SLC16A10: variants seen among roughly 807,000 people sequenced by gnomAD.
The protein encoded by SLC16A10 is solute carrier family 16 member 10.
Under a neutral mutation model 40.0 loss-of-function variants are expected in SLC16A10, and 27 were observed. The observed-to-expected ratio is 0.67, with a 90% CI of 0.50 to 0.93. The LOEUF is 0.93. SLC16A10 is among the 40% of genes least tolerant of loss of function. The pLI, the probability that SLC16A10 is intolerant of heterozygous loss-of-function variation, is 0.00. For missense variants in SLC16A10, 529 were observed against 658.2 expected (o/e 0.80, Z 2.15); for synonymous variants, 213 against 249.8 (o/e 0.85, Z 1.39).
rs1433132545 is a variant in SLC16A10 at position 111,223,648 on chromosome 6, T to C, written c.*1413T>C. On this transcript the variant is annotated 3_prime_UTR_variant, in exon 6 of 6. Coordinates refer to ENST00000368851, the MANE Select transcript of SLC16A10 (RefSeq NM_018593.5). The stretch of plus-strand genomic sequence containing the variant: ...GATGGTTCTTTTGCAGGAAAAAAAA[T>C]CTACATTTTGACCATACTACCCTTT... 1 of 152,170 alleles carries C rather than the reference T, an allele frequency of 6.6e-6. No individual in the cohort carries two copies. The highest frequency in any genetic ancestry group is 1.5e-5 in the Non-Finnish European group (1 of 68,034). The allele number at this position is 152,170 out of a possible 1,614,324, so 9.4% of individuals were successfully genotyped here. A position where few individuals can be genotyped will look rare whatever the true frequency, so the allele number is the denominator to read the frequency against.
At chr6:111,092,408 C>T (rs1043327471) in intron 1 of SLC16A10, among the ~76,000 whole-genome samples, 26 of 150,524 alleles carry the variant, frequency 1.7e-4, no homozygotes, top group African/African-American at 6.1e-4. Context: ...CAACCACTGC[C>T]TCCCGGATGC....
chr6:111,219,184 C>T (rs1436642458), intron 5 of SLC16A10, 142 bp downstream of exon 5: 3 of 745,992 alleles, frequency 4.0e-6, no homozygotes, highest in Non-Finnish European at 6.5e-6. Context: ...TTACTGGTAA[C>T]ATTTTTAATA....
intron 1 of SLC16A10, among the ~76,000 whole-genome samples, chr6:111,130,750 T>C (rs1023242787): frequency 2.6e-5 from 4 of 152,242 alleles, no homozygotes; most frequent in African/African-American, 9.6e-5. Flanking sequence ...TGATATAATC[T>C]ACTAGGATAA....
At chr6:111,210,434 T>C (rs1183536536) in intron 4 of SLC16A10, among the ~76,000 whole-genome samples, 7 of 152,232 alleles carry the variant, frequency 4.6e-5, no homozygotes, top group Non-Finnish European at 1.0e-4. Flanking sequence ...ATCTAACATT[T>C]AGTTTTGTTC....
At chr6:111,146,854 G>A (rs958932106) in intron 1 of SLC16A10, among the ~76,000 whole-genome samples, 42 of 152,094 alleles carry the variant, frequency 2.8e-4, no homozygotes, top group Non-Finnish European at 5.3e-4. Flanking sequence ...ATTAATAAAT[G>A]AAATATTATC....
Position 111,222,570 on chromosome 6 carries a change from G to C in SLC16A10, c.*335G>C. The C allele has an allele frequency of 4.4e-6, 1 of 225,740 alleles. No homozygotes were observed. Among genetic ancestry groups the C allele is most frequent in the Non-Finnish European group, 8.5e-6 (1 of 117,738 alleles). 14.0% of individuals were successfully genotyped at this position (225,740 alleles called of 1,614,324 possible). A position where few individuals can be genotyped will look rare whatever the true frequency, so the allele number is the denominator to read the frequency against. On this transcript the variant is annotated 3_prime_UTR_variant, in exon 6 of 6. Transcript: ENST00000368851. ...GTTTAAAAATACCTCAGGCTATACT[G>C]AAAGGGTTGCAGTTTGGTTAGGAGT...
At chr6:111,185,190 T>C (rs1305258962) in intron 3 of SLC16A10, among the ~76,000 whole-genome samples, 2 of 152,246 alleles carry the variant, frequency 1.3e-5, no homozygotes, top group African/African-American at 4.8e-5. Context: ...TGCAAAGCTG[T>C]GCTTGTTCAA....
intron 3 of SLC16A10, among the ~76,000 whole-genome samples, chr6:111,182,398 T>C (rs1267335742): frequency 6.7e-6 from 1 of 149,556 alleles, no homozygotes; most frequent in African/African-American, 2.5e-5. Flanking sequence ...CTTGGTTTTC[T>C]GCCTACCTCC....
rs1771050469 is a variant in SLC16A10 at position 111,228,562 on chromosome 6, CT to C, written c.*6331del. 1 of 152,070 alleles carries C rather than the reference CT, an allele frequency of 6.6e-6. No individual in the cohort carries two copies. Among genetic ancestry groups the C allele is most frequent in the African/African-American group, 2.4e-5 (1 of 41,390 alleles). 9.4% of individuals were successfully genotyped at this position (152,070 alleles called of 1,614,324 possible). On this transcript the variant is annotated 3_prime_UTR_variant, in exon 6 of 6. Coordinates refer to ENST00000368851, the MANE Select transcript of SLC16A10 (RefSeq NM_018593.5). ...CTATTTTGGAGCCTGTGATGTATGA[CT>C]TTTATTCTTTACTAGATATTTTTCA...
At position 111,230,601 on chromosome 6, in the gene SLC16A10, T is replaced by G. The variant is rs1464876395; in HGVS notation, c.*8366T>G. On this transcript the variant is annotated 3_prime_UTR_variant, in exon 6 of 6. Transcript: ENST00000368851. The stretch of plus-strand genomic sequence containing the variant: ...GAGATGTGTAAGATTGTAGAGGCAT[T>G]GCACAATGCTTGATAAAAGTTGCAT... The G allele has an allele frequency of 3.3e-5, 5 of 152,208 alleles. No homozygotes were observed. Among genetic ancestry groups the G allele is most frequent in the Admixed American group, 3.3e-4 (5 of 15,278 alleles). The allele number at this position is 152,208 out of a possible 1,614,324, so 9.4% of individuals were successfully genotyped here.
At chr6:111,196,140 C>T (rs1011171238) in intron 3 of SLC16A10, among the ~76,000 whole-genome samples, 9 of 152,072 alleles carry the variant, frequency 5.9e-5, no homozygotes, top group African/African-American at 2.2e-4. Flanking sequence ...AGTTCGAGAC[C>T]AGACTGGCCA....
chr6:111,088,145 C>G (rs1583295506), intron 1 of SLC16A10, 50 bp downstream of exon 1: 1 of 1,558,612 alleles, frequency 6.4e-7, no homozygotes, highest in Non-Finnish European at 8.7e-7. Flanking sequence ...GCGTGGGGCC[C>G]CCGAGCGCAT....
intron 1 of SLC16A10, among the ~76,000 whole-genome samples, chr6:111,113,274 G>T (rs779801707): frequency 2.0e-5 from 3 of 152,104 alleles, no homozygotes; most frequent in Non-Finnish European, 2.9e-5. Context: ...ACACATATAA[G>T]AATTAGTAGT....
intron 1 of SLC16A10, among the ~76,000 whole-genome samples, chr6:111,124,524 A>G (rs1771639982): frequency 6.6e-6 from 1 of 151,986 alleles, no homozygotes; most frequent in Non-Finnish European, 1.5e-5. Context: ...CACCACACCC[A>G]GCTAATTTTT....
At chr6:111,146,100 C>A (rs138920721) in intron 1 of SLC16A10, among the ~76,000 whole-genome samples, 1 of 152,114 alleles carries the variant, frequency 6.6e-6, no homozygotes, top group East Asian at 1.9e-4. Flanking sequence ...AGAACACTTG[C>A]AACTCAGCAA....
intron 1 of SLC16A10, among the ~76,000 whole-genome samples, chr6:111,105,568 C>G (rs1435640633): frequency 1.3e-5 from 2 of 152,086 alleles, no homozygotes; most frequent in Non-Finnish European, 2.9e-5. Flanking sequence ...GGAGTCAGTC[C>G]TAATTGAGAT....
At chr6:111,215,769 C>A (rs1034862553) in intron 4 of SLC16A10, among the ~76,000 whole-genome samples, 13 of 152,158 alleles carry the variant, frequency 8.5e-5, no homozygotes, top group Non-Finnish European at 1.8e-4. Context: ...CTTTGGGAGG[C>A]CAAAGCAAGT....
intron 1 of SLC16A10, among the ~76,000 whole-genome samples, chr6:111,139,092 C>CTTCT (rs202229156): frequency 0.3 from 35,834 of 118,734 alleles, 5,788 homozygotes; most frequent in African/African-American, 0.4. Context: ...TCTTCTTCTT[C>CTTCT]TTTTTTTTTT....
At chr6:111,138,011 C>G (rs553913250) in intron 1 of SLC16A10, among the ~76,000 whole-genome samples, 14 of 152,358 alleles carry the variant, frequency 9.2e-5, no homozygotes, top group African/African-American at 3.4e-4. Context: ...CGGCTACCCT[C>G]TTTGGGTACC....
Sources: gnomAD v4.1 joint callset for allele counts (sites outside exome capture counted in the v4.1 genomes callset) on GRCh38, gnomAD v4.1.1 for gene constraint, MANE v1.5 for transcripts, NCBI Gene and HGNC (gene_info 2026-07-23, HGNC 2026-07-21) for gene names.